Variants in PCDH15 observed in about 807,000 individuals in gnomAD.
PCDH15 encodes the protein protocadherin related 15.
In PCDH15, 129 loss-of-function variants were observed where a neutral mutation model predicts 178.5. That is an observed-to-expected ratio of 0.72 (90% CI 0.63 to 0.84). The LOEUF (loss-of-function observed/expected upper bound fraction) is 0.84, where lower values mean the gene tolerates loss of function less well. Ranked by LOEUF, PCDH15 falls within the 40% of genes least tolerant of loss-of-function variation. PCDH15 has a pLI of 0.00. For synonymous variants in PCDH15, 800 were observed against 732.0 expected (o/e 1.09, Z -1.50); for missense variants, 2,230 against 2,099.9 (o/e 1.06, Z -1.21).
chr10:54,780,025 T>G (rs764370671), intron 1 of PCDH15, among the ~76,000 whole-genome samples: 2 of 152,140 alleles, frequency 1.3e-5, no homozygotes, highest in African/African-American at 2.4e-5. Context: ...AGTGGTAAAT[T>G]CTACATTGTT....
At chr10:55,574,895 A>G (rs2132113573) in intron 2 of PCDH15, among the ~76,000 whole-genome samples, 1 of 152,226 alleles carries the variant, frequency 6.6e-6, no homozygotes, top group Non-Finnish European at 1.5e-5. Flanking sequence ...CTCATTAATA[A>G]TAGACTTTTA....
intron 2 of PCDH15, among the ~76,000 whole-genome samples, chr10:55,329,937 A>C (rs1035951751): frequency 1.6e-4 from 25 of 151,920 alleles, no homozygotes; most frequent in African/African-American, 6.0e-4. Context: ...TGGACACTTC[A>C]TAATGCAACT....
intron 1 of PCDH15, among the ~76,000 whole-genome samples, chr10:54,785,987 G>A (rs1193011226): frequency 6.6e-6 from 1 of 151,718 alleles, no homozygotes; most frequent in Non-Finnish European, 1.5e-5. Context: ...TGTTTATTTT[G>A]GATTCTACAT....
rs558510601 is a variant in PCDH15, at chr10:53,947,000, A to G, written c.3123-6025T>C. ...ACCACCTTGGCCAGGCTGGTCTTGA[A>G]CTCCTGACCTCATGATCCACCCATC... On this transcript the variant is annotated intron_variant, in intron 23 of 37. Coordinates refer to ENST00000644397, the MANE Select transcript of PCDH15 (RefSeq NM_001384140.1). Among the ~76,000 whole-genome samples, 564 of 151,486 alleles carry G rather than the reference A, an allele frequency of 3.7e-3. 3 individuals are homozygous for G. The highest frequency in any genetic ancestry group is 6.5e-3 in the Non-Finnish European group (440 of 67,818).
intron 1 of PCDH15, among the ~76,000 whole-genome samples, chr10:54,702,728 C>T (rs374178529): frequency 1.3e-5 from 2 of 151,822 alleles, no homozygotes; most frequent in Non-Finnish European, 2.9e-5. Flanking sequence ...GCCTACCAAC[C>T]AGCAAAAGGC....
intron 2 of PCDH15, among the ~76,000 whole-genome samples, chr10:54,555,670 G>C (rs1156526955): frequency 6.8e-6 from 1 of 146,286 alleles, no homozygotes; most frequent in Non-Finnish European, 1.5e-5. Context: ...CCAGGAGGCA[G>C]AGGTTGCATT....
At position 53,979,845 on chromosome 10, in the gene PCDH15, C is replaced by T. The variant is rs578140344; in HGVS notation, c.2868+15804G>A. On this transcript the variant is annotated intron_variant, in intron 21 of 37. Coordinates refer to ENST00000644397, the MANE Select transcript of PCDH15 (RefSeq NM_001384140.1). The stretch of plus-strand genomic sequence containing the variant: ...AGACACTCACAAATCACAAAATACA[C>T]AAAATGTATTTTAGTTCATAGAGCG... 7.9e-4 allele frequency among the ~76,000 whole-genome samples: 120 copies of T among 152,274 alleles called. 1 individual carries two copies. Among genetic ancestry groups the T allele is most frequent in the Admixed American group, 2.1e-3 (32 of 15,296 alleles).
chr10:54,240,004 A>G (rs2055068286), intron 8 of PCDH15, among the ~76,000 whole-genome samples: 1 of 152,160 alleles, frequency 6.6e-6, no homozygotes, highest in African/African-American at 2.4e-5. Flanking sequence ...AATATTTAAC[A>G]TATTTTATAA....
chr10:53,807,234 A>C, intron 37 of PCDH15, 104 bp from the exon 38 acceptor site: 1 of 954,642 alleles, frequency 1.0e-6, no homozygotes, highest in Non-Finnish European at 1.5e-6. Context: ...GAAAGCTGTC[A>C]AAGGTAAATC....
chr10:54,107,409 G>T (rs1007187005), intron 15 of PCDH15, among the ~76,000 whole-genome samples: 1 of 152,306 alleles, frequency 6.6e-6, no homozygotes, highest in Middle Eastern at 3.4e-3. Flanking sequence ...TGCGGGTATG[G>T]GCTGTGGTCT....
chr10:55,135,574 CTTTTTTTTTTTT>C (rs56956557), intron 2 of PCDH15, among the ~76,000 whole-genome samples: 2 of 68,220 alleles, frequency 2.9e-5, no homozygotes, highest in Non-Finnish European at 5.4e-5. Flanking sequence ...TCTTTTCTTT[CTTTTTTTTTTTT>C]TTTTTTTTTT....
At chr10:54,350,325 C>G (rs970600766) in intron 5 of PCDH15, among the ~76,000 whole-genome samples, 1 of 152,134 alleles carries the variant, frequency 6.6e-6, no homozygotes, top group African/African-American at 2.4e-5. Flanking sequence ...GTGAGGTTTG[C>G]TCTCCTCCAT....
chr10:54,599,660 T>C, intron 2 of PCDH15: 1 of 380,192 alleles, frequency 2.6e-6, no homozygotes, highest in Non-Finnish European at 5.0e-6. Context: ...GACAAACTAA[T>C]TGAAAAACTG....
At chr10:54,417,970 A>C (rs1622161) in intron 3 of PCDH15, among the ~76,000 whole-genome samples, 31,286 of 152,046 alleles carry the variant, frequency 0.21, 4,007 homozygotes, top group African/African-American at 0.36. Flanking sequence ...TAGCTATTCA[A>C]AGGTGCAATA....
chr10:54,160,995 T>C (rs1416896212), intron 13 of PCDH15, among the ~76,000 whole-genome samples: 2 of 152,170 alleles, frequency 1.3e-5, no homozygotes, highest in African/African-American at 2.4e-5. Context: ...TACCATGTAA[T>C]CTAGCACTTT....
chr10:55,407,070 A>C (rs1023858954), intron 2 of PCDH15, among the ~76,000 whole-genome samples: 2 of 152,194 alleles, frequency 1.3e-5, no homozygotes, highest in Admixed American at 6.5e-5. Flanking sequence ...GATGAACTTC[A>C]GTGAACTGGT....
chr10:54,779,533 C>CAT (rs1276276921), intron 1 of PCDH15, among the ~76,000 whole-genome samples: 1 of 28,118 alleles, frequency 3.6e-5, no homozygotes, highest in Non-Finnish European at 7.4e-5. Context: ...TATACACACA[C>CAT]ATATATATAG....
At chr10:54,861,417 G>T (rs1953840369) in intron 3 of PCDH15, among the ~76,000 whole-genome samples, 1 of 152,046 alleles carries the variant, frequency 6.6e-6, no homozygotes, top group South Asian at 2.1e-4. Context: ...GTTTGAACCG[G>T]GAAGAAATAG....
chr10:54,049,039 T>C (rs2093712761), intron 18 of PCDH15, among the ~76,000 whole-genome samples: 4 of 152,208 alleles, frequency 2.6e-5, no homozygotes, highest in African/African-American at 9.6e-5. Flanking sequence ...CCATCTATGA[T>C]TTCTTTCAGC....
Sources: gnomAD v4.1 joint callset for allele counts (sites outside exome capture counted in the v4.1 genomes callset) on GRCh38, gnomAD v4.1.1 for gene constraint, MANE v1.5 for transcripts, NCBI Gene and HGNC (gene_info 2026-07-23, HGNC 2026-07-21) for gene names.